The following HSD17B12 variants were observed in gnomAD, a reference collection of about 807,000 sequenced individuals.
HSD17B12 encodes the protein very-long-chain 3-oxoacyl-CoA reductase.
Under a neutral mutation model 39.3 loss-of-function variants are expected in HSD17B12, and 32 were observed. The observed-to-expected ratio is 0.81, with a 90% confidence interval of 0.61 to 1.09. The LOEUF (loss-of-function observed/expected upper bound fraction) is 1.09, where lower values mean the gene tolerates loss of function less well. HSD17B12 is among the 50% of genes least tolerant of loss of function. The pLI is 0.00. For missense variants in HSD17B12, 342 were observed against 382.9 expected, an observed-to-expected ratio of 0.89 and a Z score of 0.89; for synonymous variants, 150 against 146.7, an observed-to-expected ratio of 1.02 and a Z score of -0.16.
chr11:43,823,748 A>AT (rs1233162871), intron 6 of HSD17B12, among the ~76,000 whole-genome samples: 1 of 152,108 alleles, frequency 6.6e-6, no homozygotes, highest in Non-Finnish European at 1.5e-5. Flanking sequence ...TAAATGAATG[A>AT]TTTTTTAAAA....
At chr11:43,669,305 A>G in the HSD17B12 span, among the ~76,000 whole-genome samples, 2 of 152,050 alleles carry the variant, frequency 1.3e-5, no homozygotes, top group Non-Finnish European at 2.9e-5. Flanking sequence ...GTTCGAGACC[A>G]ACCTGACCAA....
chr11:43,580,045 C>T, the HSD17B12 span, among the ~76,000 whole-genome samples: 2 of 147,334 alleles, frequency 1.4e-5, no homozygotes, highest in Non-Finnish European at 3.0e-5. Flanking sequence ...TCCCTTAGCC[C>T]ACACCCTGCT....
At chr11:43,616,014 G>A in the HSD17B12 span, among the ~76,000 whole-genome samples, 644 of 152,224 alleles carry the variant, frequency 4.2e-3, 4 homozygotes, top group East Asian at 0.031. Flanking sequence ...GAGTGAGAGC[G>A]AGAGTGTAAA....
chr11:43,785,290 T>C (rs981616702), intron 3 of HSD17B12, among the ~76,000 whole-genome samples: 8 of 152,246 alleles, frequency 5.3e-5, no homozygotes, highest in Non-Finnish European at 8.8e-5. Flanking sequence ...AACAAAACAA[T>C]ATACAGCATA....
At chr11:43,575,109 T>C in the HSD17B12 span, among the ~76,000 whole-genome samples, 3 of 152,174 alleles carry the variant, frequency 2.0e-5, no homozygotes, top group Non-Finnish European at 4.4e-5. This position sits in a 1 kb window ranked among gnomAD's most constrained non-coding sequence, Gnocchi z 4.1. Flanking sequence ...CTGCTGGCCA[T>C]TTGCAAAGGG....
At chr11:43,740,752 G>A (rs1360111871) in intron 1 of HSD17B12, among the ~76,000 whole-genome samples, 2 of 152,226 alleles carry the variant, frequency 1.3e-5, no homozygotes, top group Non-Finnish European at 2.9e-5. Context: ...CTTGCTTCAT[G>A]TTGTTCCCTG....
At chr11:43,572,685 A>G in the HSD17B12 span, among the ~76,000 whole-genome samples, 2 of 152,308 alleles carry the variant, frequency 1.3e-5, no homozygotes, top group South Asian at 4.2e-4. Flanking sequence ...TCATAATGAC[A>G]CCTAGAGAAT....
chr11:43,837,504 T>A (rs1951382790), intron 7 of HSD17B12, among the ~76,000 whole-genome samples: 1 of 152,196 alleles, frequency 6.6e-6, no homozygotes, highest in Non-Finnish European at 1.5e-5. Flanking sequence ...ACAACTGGTA[T>A]CTTTATAGCA....
In HSD17B12 at chr11:43,724,513, C is replaced by T. The variant is rs568277057; in HGVS notation, c.161-26398C>T. On this transcript the variant is annotated intron_variant, in intron 1 of 10. Coordinates refer to ENST00000278353, the MANE Select transcript of HSD17B12 (RefSeq NM_016142.3). ...TTACGAACAACAGAAATTTATTTCTCACAGTTTTGAAGACTGTGAAGTCCA... is the reference window on the plus strand; with the variant it reads ...TTACGAACAACAGAAATTTATTTCTTACAGTTTTGAAGACTGTGAAGTCCA... Among the ~76,000 whole-genome samples, 45 of 152,156 alleles carry T rather than the reference C, an allele frequency of 3.0e-4. No homozygotes were observed. In the East Asian group the frequency reaches 7.4e-3, roughly 25 times the overall value.
the HSD17B12 span, among the ~76,000 whole-genome samples, chr11:43,654,467 G>A: frequency 6.6e-6 from 1 of 151,930 alleles, no homozygotes; most frequent in African/African-American, 2.4e-5. Context: ...TGAAGTCCTT[G>A]CCCATGCCTA....
chr11:43,723,422 T>C (rs1269195647), intron 1 of HSD17B12, among the ~76,000 whole-genome samples: 1 of 152,230 alleles, frequency 6.6e-6, no homozygotes, highest in African/African-American at 2.4e-5. Context: ...TTAGAAATAA[T>C]TTATAATTTT....
At chr11:43,614,633 A>G in the HSD17B12 span, among the ~76,000 whole-genome samples, 1 of 152,100 alleles carries the variant, frequency 6.6e-6, no homozygotes, top group Non-Finnish European at 1.5e-5. Flanking sequence ...TTTCTGACAC[A>G]ATTTCTCTTT....
At chr11:43,559,076 A>G in the HSD17B12 span, among the ~76,000 whole-genome samples, 4 of 152,294 alleles carry the variant, frequency 2.6e-5, no homozygotes, top group East Asian at 3.9e-4. Context: ...CCCACTGTCC[A>G]TATCACTGAA....
At chr11:43,557,756 T>G in the HSD17B12 span, among the ~76,000 whole-genome samples, 1 of 151,934 alleles carries the variant, frequency 6.6e-6, no homozygotes, top group Non-Finnish European at 1.5e-5. Context: ...GGTGAAGGGT[T>G]AAAACTCGGG....
At chr11:43,614,999 T>A in the HSD17B12 span, among the ~76,000 whole-genome samples, 1 of 152,160 alleles carries the variant, frequency 6.6e-6, no homozygotes, top group Admixed American at 6.5e-5. Flanking sequence ...TTTTTCTGTT[T>A]CTTTGCATAG....
intron 1 of HSD17B12, among the ~76,000 whole-genome samples, chr11:43,748,464 G>A (rs914173615): frequency 5.3e-5 from 8 of 152,104 alleles, no homozygotes; most frequent in African/African-American, 1.9e-4. Context: ...CTACTAGAGG[G>A]TGGAGGGAAA....
At chr11:43,851,968 A>G (rs148121903) in intron 9 of HSD17B12, 1 of 152,348 alleles carries the variant, frequency 6.6e-6, no homozygotes, top group Non-Finnish European at 1.5e-5. Context: ...TTTGTTTACA[A>G]TTAGGGAAAT....
At chr11:43,605,651 GTC>G in the HSD17B12 span, among the ~76,000 whole-genome samples, 1 of 150,636 alleles carries the variant, frequency 6.6e-6, no homozygotes. Context: ...CAACCTCTTT[GTC>G]TCTGTTTTGT....
chr11:43,757,411 A>C (rs1950515794), intron 3 of HSD17B12, among the ~76,000 whole-genome samples: 1 of 151,726 alleles, frequency 6.6e-6, no homozygotes, highest in African/African-American at 2.4e-5. Flanking sequence ...AGGCGGGTGG[A>C]TCATGAGGTC....
Sources: gnomAD v4.1 joint callset for allele counts (sites outside exome capture counted in the v4.1 genomes callset) on GRCh38, gnomAD v4.1.1 for gene constraint, Gnocchi (gnomAD v3.1) non-coding constraint, MANE v1.5 for transcripts, NCBI Gene and HGNC (gene_info 2026-07-23, HGNC 2026-07-21) for gene names.